The following PDE2A variants were observed in gnomAD, a reference collection of about 807,000 sequenced individuals.
PDE2A encodes the protein phosphodiesterase 2A.
A neutral mutation model predicts 133.6 loss-of-function variants in PDE2A; 53 were observed. The observed-to-expected ratio is 0.40, with a 90% CI of 0.32 to 0.50. The LOEUF (loss-of-function observed/expected upper bound fraction) is 0.50, where lower values mean the gene tolerates loss of function less well. Ranked by LOEUF, PDE2A falls within the 20% of genes least tolerant of loss-of-function variation. PDE2A has a pLI of 0.73. For synonymous variants in PDE2A, 491 were observed against 490.2 expected (o/e 1.00, Z -0.02); for missense variants, 796 against 1,232.4 (o/e 0.65, Z 5.30).
At chr11:72,672,067 A>G (rs1158278533) in intron 1 of PDE2A, among the ~76,000 whole-genome samples, 1 of 151,454 alleles carries the variant, frequency 6.6e-6, no homozygotes, top group Admixed American at 6.6e-5. Flanking sequence ...GAACTCACTG[A>G]CCCCTGTATT....
chr11:72,588,379 G>C (rs954592336), intron 13 of PDE2A, among the ~76,000 whole-genome samples: 1 of 142,892 alleles, frequency 7.0e-6, no homozygotes, highest in Non-Finnish European at 1.5e-5. Flanking sequence ...CCCTGTCAGG[G>C]GCTCAAAAGA....
In PDE2A at chr11:72,588,809, C is replaced by T. The variant is rs779033222; in HGVS notation, c.1045G>A (p.Ala349Thr). The T allele has an allele frequency of 2.4e-5, 39 of 1,606,256 alleles. No homozygotes were observed. Among genetic ancestry groups the T allele is most frequent in the East Asian group, 9.0e-5 (4 of 44,690 alleles). Residue 349 changes from alanine to threonine, a missense_variant, in exon 13 of 31, where the codon GCC (alanine) becomes ACC (threonine). Physicochemically the swap from Ala to Thr is moderately conservative, Grantham distance 58. Around this residue, in one of 7 missense-constraint regions of PDE2A, gnomAD observed 417 missense variants for 475.3 expected, o/e 0.88. Coordinates refer to ENST00000334456, the MANE Select transcript of PDE2A (RefSeq NM_002599.5). ...ATDQVVALACAFNKLEGDLFT... is the reference protein window; with the variant it reads ...ATDQVVALACTFNKLEGDLFT... ...AAGTCTCCTTCTAGCTTGTTGAAGG[C>T]GCAGGCCAAGGCCACCACCTGGTCA...
chr11:72,626,944 G>T (rs772125209), intron 2 of PDE2A, among the ~76,000 whole-genome samples: 1 of 152,150 alleles, frequency 6.6e-6, no homozygotes, highest in South Asian at 2.1e-4. Context: ...GTCCTGTTCT[G>T]GTCCTGGTTG....
At chr11:72,666,091 T>G (rs1182548196) in intron 1 of PDE2A, among the ~76,000 whole-genome samples, 1 of 151,928 alleles carries the variant, frequency 6.6e-6, no homozygotes, top group Non-Finnish European at 1.5e-5. Flanking sequence ...GAAGCTCTGG[T>G]AAAAACTTCA....
intron 2 of PDE2A, chr11:72,631,135 G>A (rs1858360373): frequency 1.3e-6 from 2 of 1,545,782 alleles, no homozygotes; most frequent in African/African-American, 2.7e-5. Context: ...GGGGGTCCAG[G>A]CTGGCTGCAG....
rs543372758 is a variant in PDE2A at position 72,630,108 on chromosome 11, T to C, written c.144+12146A>G. ...ACTGAAGAGTCCTATGAGGCACCCC[T>C]CACAGGGAAGGAAGGCATGGTCGGG... is the stretch of plus-strand genomic sequence containing the variant. On this transcript the variant is annotated intron_variant, in intron 2 of 30. Transcript: ENST00000334456. Among the ~76,000 whole-genome samples, 4 of 152,086 alleles carry C rather than the reference T, an allele frequency of 2.6e-5. No individual in the cohort carries two copies. In the South Asian group the frequency reaches 8.3e-4, roughly 32 times the overall value.
intron 1 of PDE2A, among the ~76,000 whole-genome samples, chr11:72,644,278 AT>A (rs777358889): frequency 5.3e-5 from 8 of 152,170 alleles, no homozygotes; most frequent in Non-Finnish European, 8.8e-5. Context: ...AAGTCAATGT[AT>A]TTTACTGAAT....
At position 72,653,841 on chromosome 11, in the gene PDE2A, A is replaced by G. The variant is rs144880221; in HGVS notation, c.72-11515T>C. 2.6e-5 allele frequency among the ~76,000 whole-genome samples: 4 copies of G among 152,316 alleles called. No individual in the cohort carries two copies. In the East Asian group the frequency reaches 7.7e-4, roughly 29 times the overall value. ...CTGGGCACAGAAGCTCAGAAGAGAGACTCTGGAGGTCAGAGGTCACATGTG... is the reference window on the plus strand; with the variant it reads ...CTGGGCACAGAAGCTCAGAAGAGAGGCTCTGGAGGTCAGAGGTCACATGTG... On this transcript the variant is annotated intron_variant, in intron 1 of 30. Coordinates refer to ENST00000334456, the MANE Select transcript of PDE2A (RefSeq NM_002599.5).
chr11:72,657,685 G>C (rs1053297757), intron 1 of PDE2A, among the ~76,000 whole-genome samples: 1 of 152,230 alleles, frequency 6.6e-6, no homozygotes, highest in Non-Finnish European at 1.5e-5. Flanking sequence ...GAGCTGGTCA[G>C]AGCTGATCAG....
chr11:72,616,787 G>A (rs534261473), intron 2 of PDE2A, among the ~76,000 whole-genome samples: 3 of 152,304 alleles, frequency 2.0e-5, no homozygotes, highest in South Asian at 4.1e-4. Context: ...AGGTCAGGAT[G>A]GAGGGCTCTT....
At chr11:72,615,022 TCCACCCTCCTGC>T in intron 2 of PDE2A, 1 of 274,320 alleles carries the variant, frequency 3.6e-6, no homozygotes, top group Non-Finnish European at 8.2e-6. Flanking sequence ...CCCCCATCCC[TCCACCCTCCTGC>T]CCACCCTTCG....
At chr11:72,592,390 G>A (rs1281368988) in intron 6 of PDE2A, among the ~76,000 whole-genome samples, 1 of 152,190 alleles carries the variant, frequency 6.6e-6, no homozygotes, top group Admixed American at 6.5e-5. Context: ...GGAGCAGATG[G>A]GGAGGAGGAG....
At chr11:72,601,636 A>G (rs1031162124) in intron 4 of PDE2A, among the ~76,000 whole-genome samples, 3 of 152,128 alleles carry the variant, frequency 2.0e-5, no homozygotes, top group African/African-American at 7.2e-5. Context: ...TGCACTCAGC[A>G]TCAGGTAATC....
intron 3 of PDE2A, among the ~76,000 whole-genome samples, chr11:72,607,862 C>T (rs541720895): frequency 1.3e-5 from 2 of 152,284 alleles, no homozygotes; most frequent in African/African-American, 4.8e-5. Flanking sequence ...GGAAGTCTTC[C>T]ATGCCCCTTA....
In PDE2A at chr11:72,579,611, G is replaced by T. The variant is rs367863626; in HGVS notation, c.2182-3C>A. 3.7e-6 allele frequency: 6 copies of T among 1,608,648 alleles called. No individual in the cohort carries two copies. Among genetic ancestry groups the T allele is most frequent in the African/African-American group, 1.3e-5 (1 of 74,722 alleles). ...ATGGCCTGAGCAAAGTGGTGCCTCT[G>T]GGGGGAGAGGAGTGATGGGGGCCCA... On this transcript the variant is annotated splice_polypyrimidine_tract_variant and splice_region_variant and intron_variant, in intron 25 of 30. Coordinates refer to ENST00000334456, the MANE Select transcript of PDE2A (RefSeq NM_002599.5).
chr11:72,650,920 CACACACAT>C (rs1363953124), intron 1 of PDE2A, among the ~76,000 whole-genome samples: 6 of 145,204 alleles, frequency 4.1e-5, no homozygotes, highest in South Asian at 2.2e-4. Context: ...CACACACACA[CACACACAT>C]ACACAAAGGC....
At chr11:72,631,726 T>A (rs1453851548) in intron 2 of PDE2A, among the ~76,000 whole-genome samples, 3 of 151,924 alleles carry the variant, frequency 2.0e-5, no homozygotes, top group Admixed American at 2.0e-4. Context: ...GTTCCCGGAA[T>A]GCTAGCGGTG....
Position 72,612,275 on chromosome 11 carries a change from CCACACACACACACACA to C in PDE2A, c.145-3540_145-3525del, listed in dbSNP as rs55775130. ...TTGCACTTAGACATGCACATCACAT[CCACACACACACACACA>C]CACACACACACACACACACACACAC... On this transcript the variant is annotated intron_variant, in intron 2 of 30. Coordinates refer to ENST00000334456, the MANE Select transcript of PDE2A (RefSeq NM_002599.5). Among the ~76,000 whole-genome samples the C allele has an allele frequency of 7.7e-3, 952 of 124,222 alleles. 22 individuals are homozygous for C. The highest frequency in any genetic ancestry group is 0.052 in the East Asian group (252 of 4,838). The allele number at this position is 124,222 out of a possible 152,430, so 81.5% of individuals were successfully genotyped here.
rs559145748 is a variant in PDE2A, at chr11:72,635,464, A to C, written c.144+6790T>G. Among the ~76,000 whole-genome samples, 11 of 152,308 alleles carry C rather than the reference A, an allele frequency of 7.2e-5. No individual in the cohort carries two copies. In the East Asian group the frequency reaches 2.1e-3, roughly 29 times the overall value. On this transcript the variant is annotated intron_variant, in intron 2 of 30. Coordinates refer to ENST00000334456, the MANE Select transcript of PDE2A (RefSeq NM_002599.5). The stretch of plus-strand genomic sequence containing the variant: ...AAATCCTAGAATCCTAGATTCACAG[A>C]ATGTCCGTATCTCTAGCTCCTAGAG...
Sources: allele counts gnomAD v4.1 joint callset (sites outside exome capture counted in the v4.1 genomes callset), GRCh38; gene constraint gnomAD v4.1.1; regional missense constraint gnomAD v4.1.1; transcripts MANE v1.5; gene names NCBI Gene and HGNC (gene_info 2026-07-23, HGNC 2026-07-21).